Variants in TBX3 observed in about 807,000 individuals in gnomAD.
TBX3 encodes the protein T-box transcription factor TBX3.
In TBX3, 11 loss-of-function variants were observed where a neutral mutation model predicts 47.8. That is an observed-to-expected ratio of 0.23 (90% CI 0.14 to 0.38). The LOEUF (loss-of-function observed/expected upper bound fraction) is 0.38, where lower values mean the gene tolerates loss of function less well. Among genes scored for constraint, TBX3 ranks in the 10% least tolerant of loss-of-function variants. The probability of loss-of-function intolerance (pLI) is 1.00; values close to 1 mark genes in which losing one functional copy is unlikely to be tolerated. For missense variants in TBX3, 927 were observed against 1,022.8 expected (o/e 0.91, Z 1.28); for synonymous variants, 500 against 449.3 (o/e 1.11, Z -1.43).
rs1868423122 is a variant in TBX3 at position 114,671,574 on chromosome 12, A to G, written c.*267T>C. On this transcript the variant is annotated 3_prime_UTR_variant, in exon 7 of 7. Coordinates refer to ENST00000349155, the MANE Select transcript of TBX3 (RefSeq NM_005996.4). The stretch of plus-strand genomic sequence containing the variant: ...CTTGCTGGAAGTTGCTCTGGACATA[A>G]ATGTTGGAACTCCTACCCCCAGTAG... The G allele has an allele frequency of 3.6e-6, 2 of 558,564 alleles. No homozygotes were observed. Among genetic ancestry groups the G allele is most frequent in the Non-Finnish European group, 6.4e-6 (2 of 311,854 alleles). 34.6% of individuals were successfully genotyped at this position (558,564 alleles called of 1,614,324 possible). A position where few individuals can be genotyped will look rare whatever the true frequency, so the allele number is the denominator to read the frequency against.
chr12:114,679,224 G>A (rs1566646), intron 3 of TBX3, among the ~76,000 whole-genome samples: 3 of 151,858 alleles, frequency 2.0e-5, no homozygotes, highest in African/African-American at 4.8e-5. Flanking sequence ...AGCCCAAGAG[G>A]GGGGGAGGAG....
intron 6 of TBX3, among the ~76,000 whole-genome samples, chr12:114,672,733 G>A (rs1184799175): frequency 6.6e-6 from 1 of 152,172 alleles, no homozygotes; most frequent in Admixed American, 6.5e-5. Context: ...ACCCCACAGA[G>A]GTAACCAAGG....
intron 1 of TBX3, 116 bp downstream of exon 1, chr12:114,682,696 G>A (rs988871481): frequency 2.0e-6 from 3 of 1,511,292 alleles, no homozygotes; most frequent in Non-Finnish European, 2.7e-6. Context: ...ATTTCTAGGG[G>A]AACTAACTTT....
chr12:114,671,999 G>A lies in TBX3; in HGVS notation c.2014C>T (p.Leu672Phe), dbSNP rs1424482515. Reference protein sequence around the residue: ...ASVAVDSGSELNSRSSTLSSS... With the variant: ...ASVAVDSGSEFNSRSSTLSSS... ...GAGAGCGTGGAGGAGCGGCTGTTGA[G>A]TTCAGAGCCCGAGTCCACTGCCACC... is the stretch of plus-strand genomic sequence containing the variant. Residue 672 changes from leucine to phenylalanine, a missense_variant, in exon 7 of 7, where the codon CTC becomes TTC. This residue lies in a region of TBX3 where 623 missense variants were observed against 569.0 expected (regional missense o/e 1.09). Transcript: ENST00000349155. 6.3e-7 allele frequency: 1 copy of A among 1,599,958 alleles called. No homozygotes were observed. The highest frequency in any genetic ancestry group is 8.5e-7 in the Non-Finnish European group (1 of 1,173,490).
chr12:114,682,424 C>A (rs1179197282), intron 1 of TBX3, among the ~76,000 whole-genome samples: 4 of 152,116 alleles, frequency 2.6e-5, no homozygotes, highest in Non-Finnish European at 5.9e-5. Flanking sequence ...GTTTTTCTCT[C>A]TGAGAACAAA....
rs1337484837 is a variant in TBX3 at position 114,683,077 on chromosome 12, G to A, written c.124C>T (p.Pro42Ser). 1.2e-6 allele frequency: 2 copies of A among 1,611,158 alleles called. No homozygotes were observed. The highest frequency in any genetic ancestry group is 3.3e-5 in the Admixed American group (2 of 59,920). ...CCGTTGGGAGGCAGCGTCAGCGCGGGGAAGAACGGCGGCTGGTGACCCAGC... is the reference window on the plus strand; with the variant it reads ...CCGTTGGGAGGCAGCGTCAGCGCGGAGAAGAACGGCGGCTGGTGACCCAGC... The part of the protein sequence containing the change: ...AVLGHQPPFF[P>S]ALTLPPNGAA... Residue 42 changes from proline to serine, a missense_variant, in exon 1 of 7, where the codon CCC (proline) becomes TCC (serine). Around this residue, in one of 5 missense-constraint regions of TBX3, gnomAD observed 216 missense variants for 281.2 expected, o/e 0.77. Transcript: ENST00000349155. This position sits in a 1 kb window ranked among gnomAD's most constrained non-coding sequence, Gnocchi z 7.7.
In TBX3 at chr12:114,671,616, T is replaced by C. The variant is rs550279654; in HGVS notation, c.*225A>G. ...CCCCAGTAGCTCAATGCAACCGACG[T>C]TTCTGAGCCCCCAGAATCTGATCCA... On this transcript the variant is annotated 3_prime_UTR_variant, in exon 7 of 7. Coordinates refer to ENST00000349155, the MANE Select transcript of TBX3 (RefSeq NM_005996.4). 5.4e-4 allele frequency: 336 copies of C among 619,608 alleles called. 5 individuals are homozygous for C. In the South Asian group the frequency reaches 5.8e-3, roughly 11 times the overall value. The allele number at this position is 619,608 out of a possible 1,614,324, so 38.4% of individuals were successfully genotyped here. A position where few individuals can be genotyped will look rare whatever the true frequency, so the allele number is the denominator to read the frequency against.
At position 114,671,758 on chromosome 12, in the gene TBX3, C is replaced by A. The variant is rs1387130329; in HGVS notation, c.*83G>T. The A allele has an allele frequency of 6.6e-7, 1 of 1,515,642 alleles. No homozygotes were observed. The highest frequency in any genetic ancestry group is 8.9e-7 in the Non-Finnish European group (1 of 1,118,066). The allele number at this position is 1,515,642 out of a possible 1,614,324, so 93.9% of individuals were successfully genotyped here. Reference sequence around the variant, plus strand: ...GCAAAAGGAAGGGCTAACGCCATGGCGGGCCCGTGGTTTATTTTATATCCG... The same window carrying A: ...GCAAAAGGAAGGGCTAACGCCATGGAGGGCCCGTGGTTTATTTTATATCCG... On this transcript the variant is annotated 3_prime_UTR_variant, in exon 7 of 7. Coordinates refer to ENST00000349155, the MANE Select transcript of TBX3 (RefSeq NM_005996.4).
At chr12:114,672,673 C>T (rs956000224) in intron 6 of TBX3, among the ~76,000 whole-genome samples, 1 of 151,846 alleles carries the variant, frequency 6.6e-6, no homozygotes, top group African/African-American at 2.4e-5. Flanking sequence ...GTGTGTGCAG[C>T]CCCCAGGAAA....
At position 114,672,379 on chromosome 12, in the gene TBX3, C is replaced by T. The variant is rs1179322139; in HGVS notation, c.1711-77G>A. On this transcript the variant is annotated intron_variant, in intron 6 of 6. Coordinates refer to ENST00000349155, the MANE Select transcript of TBX3 (RefSeq NM_005996.4). ...TCTCATCCCTCTCCTCTCTTCTCCC[C>T]CTCCAACATTGGGCAAGCCATGAAT... is the stretch of plus-strand genomic sequence containing the variant. 1.9e-5 allele frequency: 24 copies of T among 1,281,668 alleles called. 1 individual carries two copies. The highest frequency in any genetic ancestry group is 1.9e-4 in the South Asian group (12 of 64,602). 79.4% of individuals were successfully genotyped at this position (1,281,668 alleles called of 1,614,324 possible).
chr12:114,671,917 C>G lies in TBX3; in HGVS notation c.2096G>C (p.Ser699Thr). 1 of 1,585,672 alleles carries G rather than the reference C, an allele frequency of 6.3e-7. No individual in the cohort carries two copies. Among genetic ancestry groups the G allele is most frequent in the Non-Finnish European group, 8.6e-7 (1 of 1,166,168 alleles). The change falls in exon 7 of 7, where the codon AGC becomes ACC. Residue 699 changes from serine (S) to threonine (T), a missense_variant. Coordinates refer to ENST00000349155, the MANE Select transcript of TBX3 (RefSeq NM_005996.4). ...CAACCGCTGGATGCTCTGCAGTTCG[C>G]TGGTGGCCGCCTCTTTCTCCGCGCA... The part of the protein sequence containing the change: ...KLCAEKEAAT[S>T]ELQSIQRLVS...
rs567843458 is a variant in TBX3 at position 114,676,376 on chromosome 12, A to C, written c.976T>G (p.Phe326Val). Reference sequence around the variant, plus strand: ...GAAGAAGCCTGGGCGAAGCAGTTGAAAGCTGCTTGTTCACTGGAGGACTCA... The same window carrying C: ...GAAGAAGCCTGGGCGAAGCAGTTGACAGCTGCTTGTTCACTGGAGGACTCA... ...SDESSSEQAA[F>V]NCFAQASSPA... The change falls in exon 5 of 7, where the codon TTC (phenylalanine) becomes GTC (valine). Residue 326 changes from phenylalanine (F) to valine (V), a missense_variant. This residue lies in a region of TBX3 where 44 missense variants were observed against 59.3 expected (regional missense o/e 0.74). Transcript: ENST00000349155. 6.2e-7 allele frequency: 1 copy of C among 1,614,200 alleles called. No individual in the cohort carries two copies. Among genetic ancestry groups the C allele is most frequent in the East Asian group, 2.2e-5 (1 of 44,878 alleles).
rs34831817 is a variant in TBX3 at position 114,671,931 on chromosome 12, T to C, written c.2082A>G (p.Lys694=). ...MSLSPKLCAE[K]EAATSELQSI... ...TCTGCAGTTCGCTGGTGGCCGCCTC[T>C]TTCTCCGCGCAGAGTTTGGGCGACA... The change falls in exon 7 of 7, where the codon AAA becomes AAG. Residue 694 remains lysine, a synonymous_variant. Transcript: ENST00000349155. The C allele has an allele frequency of 2.3e-3, 3,722 of 1,591,200 alleles. 67 individuals are homozygous for C. The African/African-American group carries it at 0.042, about 18-fold the overall frequency.
intron 2 of TBX3, chr12:114,680,617 C>G (rs1408209210): frequency 5.2e-6 from 3 of 578,194 alleles, no homozygotes; most frequent in Non-Finnish European, 6.1e-6. Flanking sequence ...TAACTTCACT[C>G]TCAGGTCAGG....
At chr12:114,673,456 C>G (rs1868546479) in intron 6 of TBX3, among the ~76,000 whole-genome samples, 1 of 152,046 alleles carries the variant, frequency 6.6e-6, no homozygotes, top group African/African-American at 2.4e-5. Context: ...TCCCTGTCCT[C>G]TGACATTTCC....
Position 114,674,773 on chromosome 12 carries a change from C to T in TBX3, c.1102G>A (p.Glu368Lys), listed in dbSNP as rs1185716503. The T allele has an allele frequency of 1.3e-6, 2 of 1,587,054 alleles. No individual in the cohort carries two copies. Among genetic ancestry groups the T allele is most frequent in the Non-Finnish European group, 8.5e-7 (1 of 1,171,802 alleles). The change falls in exon 6 of 7, where the codon GAG (glutamate) becomes AAG (lysine). Residue 368 changes from glutamate (E) to lysine (K), a missense_variant. By Grantham distance (56) the Glu-to-Lys change is moderately conservative (BLOSUM62 1). This residue lies in a region of TBX3 where 623 missense variants were observed against 569.0 expected (regional missense o/e 1.09). Transcript: ENST00000349155. ...EAESKEEHGPEACDAAKISTT... is the reference protein window; with the variant it reads ...EAESKEEHGPKACDAAKISTT... ...GAGATCTTGGCCGCGTCGCAGGCCT[C>T]GGGGCCATGCTCCTCTTTGCTCTCG...
At position 114,671,090 on chromosome 12, in the gene TBX3, TC is replaced by T. The variant is rs1414840387; in HGVS notation, c.*750del. 7 of 209,170 alleles carry T rather than the reference TC, an allele frequency of 3.3e-5. No homozygotes were observed. The highest frequency in any genetic ancestry group is 1.5e-3 in the Middle Eastern group (1 of 672). The allele number at this position is 209,170 out of a possible 1,614,324, so 13.0% of individuals were successfully genotyped here. On this transcript the variant is annotated 3_prime_UTR_variant, in exon 7 of 7. Transcript: ENST00000349155. The stretch of plus-strand genomic sequence containing the variant: ...GTTTTGCCCACTCCTTCCCTTTAAA[TC>T]CCCCCCTCCCTTGGGTCACTGATTT...
At chr12:114,678,760 G>C (rs887532417) in intron 3 of TBX3, among the ~76,000 whole-genome samples, 1 of 152,100 alleles carries the variant, frequency 6.6e-6, no homozygotes, top group Non-Finnish European at 1.5e-5. Context: ...CAGCAGTAAG[G>C]GTCACTTTTT....
At chr12:114,682,122 A>T (rs1192762772) in intron 1 of TBX3, among the ~76,000 whole-genome samples, 1 of 152,194 alleles carries the variant, frequency 6.6e-6, no homozygotes, top group Non-Finnish European at 1.5e-5. Flanking sequence ...TTTAAACATT[A>T]TGTAAAATAT....
Sources: gnomAD v4.1 joint callset for allele counts (sites outside exome capture counted in the v4.1 genomes callset) on GRCh38, gnomAD v4.1.1 for gene constraint, gnomAD v4.1.1 regional missense constraint, Gnocchi (gnomAD v3.1) non-coding constraint, MANE v1.5 for transcripts, NCBI Gene and HGNC (gene_info 2026-07-23, HGNC 2026-07-21) for gene names.